The following CREB5 variants were observed in gnomAD, a reference collection of about 807,000 sequenced individuals.
The protein encoded by CREB5 is cAMP responsive element binding protein 5, also known as cyclic AMP-responsive element-binding protein 5.
In CREB5, 19 loss-of-function variants were observed where a neutral mutation model predicts 57.1. The observed-to-expected ratio is 0.33, with a 90% CI of 0.23 to 0.49. The LOEUF is 0.49. CREB5 is among the 20% of genes least tolerant of loss of function. The pLI is 0.99. For missense variants in CREB5, 579 were observed against 671.6 expected (o/e 0.86, Z 1.52); for synonymous variants, 238 against 238.3 (o/e 1.00, Z 0.01).
chr7:28,582,809 C>T, intron 5 of CREB5, among the ~76,000 whole-genome samples: 1 of 152,050 alleles, frequency 6.6e-6, no homozygotes, highest in Non-Finnish European at 1.5e-5. Flanking sequence ...GACGGCAGAC[C>T]CCAAGGGAGA....
intron 5 of CREB5, among the ~76,000 whole-genome samples, chr7:28,672,910 C>T (rs1003020691): frequency 6.6e-6 from 1 of 152,150 alleles, no homozygotes; most frequent in African/African-American, 2.4e-5. Context: ...AGGGTATTTT[C>T]CTGTTCTTTT....
chr7:28,558,161 G>C (rs554712173), intron 4 of CREB5, among the ~76,000 whole-genome samples: 16 of 152,340 alleles, frequency 1.1e-4, no homozygotes, highest in East Asian at 1.9e-4. Flanking sequence ...AAATAAGACA[G>C]ACTAAGCCTC....
chr7:28,523,773 G>A, intron 4 of CREB5, among the ~76,000 whole-genome samples: 1 of 152,184 alleles, frequency 6.6e-6, no homozygotes, highest in East Asian at 1.9e-4. Context: ...ACGCATGAAA[G>A]CTCATGTCAG....
chr7:28,458,294 G>C (rs1245619288), intron 1 of CREB5, among the ~76,000 whole-genome samples: 1 of 152,166 alleles, frequency 6.6e-6, no homozygotes, highest in Non-Finnish European at 1.5e-5. Context: ...AAACTGACTA[G>C]GATCTGATAA....
chr7:28,745,375 C>T (rs1347982879), intron 7 of CREB5, among the ~76,000 whole-genome samples: 1 of 152,158 alleles, frequency 6.6e-6, no homozygotes, highest in African/African-American at 2.4e-5. Flanking sequence ...CATTTGTAAC[C>T]CAATGTCATG....
At chr7:28,573,413 G>A (rs1381036364) in intron 5 of CREB5, among the ~76,000 whole-genome samples, 1 of 152,202 alleles carries the variant, frequency 6.6e-6, no homozygotes, top group Non-Finnish European at 1.5e-5. Flanking sequence ...ACAGCAAACA[G>A]CAATGAAAGT....
rs111358014 is a variant in CREB5 at position 28,599,885 on chromosome 7, C to T, written c.464+29348C>T. On this transcript the variant is annotated intron_variant, in intron 5 of 10. Transcript: ENST00000357727. ...GATCTTTAGGATACTATTGTCCACC[C>T]TTTTGTGATGTGACCTGCATCTATG... 5.9e-3 allele frequency among the ~76,000 whole-genome samples: 898 copies of T among 152,254 alleles called. 6 individuals carry two copies. Among genetic ancestry groups the T allele is most frequent in the African/African-American group, 0.02 (845 of 41,548 alleles).
chr7:28,759,261 T>C (rs572005756), intron 7 of CREB5, among the ~76,000 whole-genome samples: 131 of 152,268 alleles, frequency 8.6e-4, no homozygotes, highest in Non-Finnish European at 1.6e-3. Context: ...AGCTAAGATA[T>C]GTTAGATCAT....
At chr7:28,499,924 C>T (rs941047796) in intron 3 of CREB5, among the ~76,000 whole-genome samples, 2 of 152,282 alleles carry the variant, frequency 1.3e-5, no homozygotes, top group African/African-American at 4.8e-5. Flanking sequence ...TACCTGCTGA[C>T]GTCATGGCCC....
intron 7 of CREB5, among the ~76,000 whole-genome samples, chr7:28,787,259 C>G (rs1359100290): frequency 6.6e-6 from 1 of 152,216 alleles, no homozygotes; most frequent in African/African-American, 2.4e-5. Flanking sequence ...CACATTGACT[C>G]AATGCCACAG....
chr7:28,303,189 G>A (rs985689105), intron 1 of CREB5, among the ~76,000 whole-genome samples: 1 of 150,926 alleles, frequency 6.6e-6, no homozygotes, highest in African/African-American at 2.4e-5. Context: ...AATTCCAAAT[G>A]TTTGTACAAT....
chr7:28,696,026 A>G (rs1400399455), intron 5 of CREB5, among the ~76,000 whole-genome samples: 3 of 152,232 alleles, frequency 2.0e-5, no homozygotes, highest in Non-Finnish European at 4.4e-5. Context: ...GCTGTTAGGC[A>G]CAAAGGACGC....
At chr7:28,685,886 T>A in intron 5 of CREB5, 2 of 406,794 alleles carry the variant, frequency 4.9e-6, no homozygotes, top group Non-Finnish European at 8.8e-6. Context: ...TTTGGTTACA[T>A]TGAAGTTTTT....
At chr7:28,394,026 A>G (rs1389123484) in intron 1 of CREB5, among the ~76,000 whole-genome samples, 1 of 134,128 alleles carries the variant, frequency 7.5e-6, no homozygotes, top group Non-Finnish European at 1.5e-5. Context: ...AGCTGACATC[A>G]TGCCACTGCA....
chr7:28,414,425 T>G (rs1165819520), intron 1 of CREB5, among the ~76,000 whole-genome samples: 1 of 152,158 alleles, frequency 6.6e-6, no homozygotes, highest in Non-Finnish European at 1.5e-5. Flanking sequence ...AATTTAAATC[T>G]ATGACTATTT....
chr7:28,589,650 T>C (rs1796426894), intron 5 of CREB5, among the ~76,000 whole-genome samples: 1 of 152,196 alleles, frequency 6.6e-6, no homozygotes, highest in Non-Finnish European at 1.5e-5. Context: ...AAATCTTGAG[T>C]ATATTTCTGC....
At chr7:28,664,447 CCT>C (rs1160128258) in intron 5 of CREB5, among the ~76,000 whole-genome samples, 1 of 152,074 alleles carries the variant, frequency 6.6e-6, no homozygotes, top group Non-Finnish European at 1.5e-5. Flanking sequence ...TCCTTTCCTT[CCT>C]CTCTTCTTTC....
intron 1 of CREB5, among the ~76,000 whole-genome samples, chr7:28,457,305 T>C (rs1045166417): frequency 1.3e-5 from 2 of 152,146 alleles, no homozygotes; most frequent in African/African-American, 4.8e-5. Flanking sequence ...ATTATGAATT[T>C]TACCATTGCT....
intron 1 of CREB5, among the ~76,000 whole-genome samples, chr7:28,433,924 A>G (rs910242326): frequency 6.6e-6 from 1 of 151,918 alleles, no homozygotes; most frequent in Non-Finnish European, 1.5e-5. Flanking sequence ...ACTTCTACTT[A>G]TCTCACTTTA....
Sources: gnomAD v4.1 joint callset for allele counts (sites outside exome capture counted in the v4.1 genomes callset) on GRCh38, gnomAD v4.1.1 for gene constraint, MANE v1.5 for transcripts, NCBI Gene and HGNC (gene_info 2026-07-23, HGNC 2026-07-21) for gene names.